PDLIM3: variants seen among roughly 807,000 people sequenced by gnomAD.
PDLIM3 encodes the protein PDZ and LIM domain 3.
Under a neutral mutation model 37.3 loss-of-function variants are expected in PDLIM3, and 36 were observed. The observed-to-expected ratio is 0.97, with a 90% CI of 0.74 to 1.28. PDLIM3 has a LOEUF of 1.28. PDLIM3 is among the 50% of genes most tolerant of loss of function. The probability of loss-of-function intolerance (pLI) is 0.00; values close to 1 mark genes in which losing one functional copy is unlikely to be tolerated. For synonymous variants in PDLIM3, 174 were observed against 182.4 expected, an observed-to-expected ratio of 0.95 and a Z score of 0.37; for missense variants, 454 against 485.0, an observed-to-expected ratio of 0.94 and a Z score of 0.60.
In PDLIM3 at chr4:185,525,151, C is replaced by T. The variant is rs377383830; in HGVS notation, c.114G>A (p.Ala38=). The T allele has an allele frequency of 2.4e-5, 39 of 1,614,130 alleles. No homozygotes were observed. The highest frequency in any genetic ancestry group is 1.4e-5 in the Non-Finnish European group (16 of 1,179,994). The change falls in exon 2 of 8, where the codon GCG becomes GCA. Residue 38 remains alanine (A), a synonymous_variant. Coordinates refer to ENST00000284767, the MANE Select transcript of PDLIM3 (RefSeq NM_014476.6). ...VITRITPGSK[A]AAANLCPGDV... ...CTCCAGGACACAGGTTGGCAGCTGC[C>T]GCCTTGCTTCCTGGTGTAATCTGGA...
chr4:185,505,925 G>A (rs1160816336), intron 6 of PDLIM3, among the ~76,000 whole-genome samples: 2 of 152,214 alleles, frequency 1.3e-5, no homozygotes, highest in Non-Finnish European at 2.9e-5. Flanking sequence ...TGGGCATGGA[G>A]AAGCCTAGGT....
At chr4:185,505,316 G>T (rs1311198245) in intron 6 of PDLIM3, among the ~76,000 whole-genome samples, 1 of 152,182 alleles carries the variant, frequency 6.6e-6, no homozygotes, top group Admixed American at 6.5e-5. Flanking sequence ...TTGGGCTATT[G>T]TGAATAAGAT....
At chr4:185,518,394 C>T (rs1334977346) in intron 3 of PDLIM3, among the ~76,000 whole-genome samples, 1 of 151,942 alleles carries the variant, frequency 6.6e-6, no homozygotes, top group African/African-American at 2.4e-5. Context: ...TCTGAACCAT[C>T]TCCAACAGAA....
intron 1 of PDLIM3, among the ~76,000 whole-genome samples, chr4:185,535,054 G>T (rs949575568): frequency 4.6e-5 from 7 of 152,246 alleles, no homozygotes; most frequent in Non-Finnish European, 7.3e-5. Context: ...GAGCCTGGCA[G>T]CCTCGCCTTC....
Position 185,535,246 on chromosome 4 carries a change from T to C in PDLIM3, c.93+96A>G, listed in dbSNP as rs2095751601. The C allele has an allele frequency of 2.6e-6, 3 of 1,172,532 alleles. No homozygotes were observed. In the South Asian group the frequency reaches 4.1e-5, roughly 16 times the overall value. 72.6% of individuals were successfully genotyped at this position (1,172,532 alleles called of 1,614,324 possible). On this transcript the variant is annotated intron_variant, in intron 1 of 7. Coordinates refer to ENST00000284767, the MANE Select transcript of PDLIM3 (RefSeq NM_014476.6). ...GCCCCGTCCGCCCGCCCTCGCGCGCTTTCTGGCCGCCCTCGGCCCCGGGGC... is the reference window on the plus strand; with the variant it reads ...GCCCCGTCCGCCCGCCCTCGCGCGCCTTCTGGCCGCCCTCGGCCCCGGGGC...
chr4:185,521,448 G>A (rs2095723438), intron 3 of PDLIM3, among the ~76,000 whole-genome samples: 1 of 57,714 alleles, frequency 1.7e-5, no homozygotes, highest in African/African-American at 3.0e-5. Flanking sequence ...CCAAGCTGGA[G>A]TGCAGTGGTG....
chr4:185,510,776 C>T (rs2095705236), intron 4 of PDLIM3, among the ~76,000 whole-genome samples: 1 of 152,228 alleles, frequency 6.6e-6, no homozygotes, highest in Non-Finnish European at 1.5e-5. Context: ...GTTCCTTTAT[C>T]AATCAGGCCC....
Position 185,508,318 on chromosome 4 carries a change from C to T in PDLIM3, c.643G>A (p.Gly215Arg). Residue 215 changes from glycine to arginine, a missense_variant, in exon 5 of 8, where the codon GGG (glycine) becomes AGG (arginine). Gly to Arg is a moderately radical substitution (Grantham distance 125). Transcript: ENST00000284767. Reference protein sequence around the residue: ...TLQGQVSTALGETPLMSEPTA... With the variant: ...TLQGQVSTALRETPLMSEPTA... ...TATTACCTCATCAAAGGTGTTTCCC[C>T]TAGGGCTGTTGAAACCTGACCCTGG... 4 of 1,614,164 alleles carry T rather than the reference C, an allele frequency of 2.5e-6. No homozygotes were observed. The highest frequency in any genetic ancestry group is 1.6e-4 in the Middle Eastern group (1 of 6,062).
intron 3 of PDLIM3, among the ~76,000 whole-genome samples, chr4:185,519,298 A>ATTG (rs2095719253): frequency 6.6e-6 from 1 of 152,062 alleles, no homozygotes; most frequent in Non-Finnish European, 1.5e-5. Context: ...TATTATTATT[A>ATTG]TTTGTGAGAC....
intron 4 of PDLIM3, among the ~76,000 whole-genome samples, chr4:185,510,686 C>T (rs1561193516): frequency 6.6e-6 from 1 of 152,180 alleles, no homozygotes; most frequent in Non-Finnish European, 1.5e-5. Flanking sequence ...TGAACTTGCA[C>T]AGTTCAAACC....
At chr4:185,511,917 A>G (rs1183103413) in intron 4 of PDLIM3, among the ~76,000 whole-genome samples, 1 of 152,110 alleles carries the variant, frequency 6.6e-6, no homozygotes, top group African/African-American at 2.4e-5. Context: ...TGCACCCGAA[A>G]AAAACTACAT....
chr4:185,531,600 G>T (rs547833767), intron 1 of PDLIM3, among the ~76,000 whole-genome samples: 1 of 152,108 alleles, frequency 6.6e-6, no homozygotes, highest in South Asian at 2.1e-4. Flanking sequence ...ACAAACTCTG[G>T]TTGGAGCCCC....
In PDLIM3 at chr4:185,504,585, A is replaced by G; in HGVS notation, c.795T>C (p.Asp265=). ...VLQGMVDDGS[D]DRPAGTRSVR... is the part of the protein sequence containing the mutation. Reference sequence around the variant, plus strand: ...CACTCCGCGTTCCAGCCGGACGGTCATCTGAAAAACAAAGCGTTTCCATTT... The same window carrying G: ...CACTCCGCGTTCCAGCCGGACGGTCGTCTGAAAAACAAAGCGTTTCCATTT... The change falls in exon 7 of 8, where the codon GAT becomes GAC. Residue 265 remains aspartate (D), a splice_region_variant and synonymous_variant. Transcript: ENST00000284767. This position sits in a 1 kb window ranked among gnomAD's most constrained non-coding sequence, Gnocchi z 4.7. 6.2e-7 allele frequency: 1 copy of G among 1,613,464 alleles called. No homozygotes were observed. Among genetic ancestry groups the G allele is most frequent in the Non-Finnish European group, 8.5e-7 (1 of 1,179,484 alleles).
rs543892230 is a variant in PDLIM3 at position 185,501,504 on chromosome 4, G to C, written c.*790C>G. On this transcript the variant is annotated 3_prime_UTR_variant, in exon 8 of 8. Transcript: ENST00000284767. ...TTGATCTGAAAGAGATATTTAAATT[G>C]AAAGAGTCTCTGTTGAAGCAAGTGA... The C allele has an allele frequency of 2.6e-5, 4 of 152,356 alleles. No individual in the cohort carries two copies. Among genetic ancestry groups the C allele is most frequent in the Admixed American group, 2.0e-4 (3 of 15,312 alleles). The allele number at this position is 152,356 out of a possible 1,614,324, so 9.4% of individuals were successfully genotyped here.
chr4:185,528,391 G>A (rs1393536148), intron 1 of PDLIM3, among the ~76,000 whole-genome samples: 1 of 152,056 alleles, frequency 6.6e-6, no homozygotes, highest in Non-Finnish European at 1.5e-5. Context: ...AATAACTATT[G>A]GATATCTAAG....
At chr4:185,528,681 C>T (rs115568304) in intron 1 of PDLIM3, among the ~76,000 whole-genome samples, 4,213 of 152,282 alleles carry the variant, frequency 0.028, 202 homozygotes, top group African/African-American at 0.097. Context: ...TAGTGATGGC[C>T]AGATCCCACT....
chr4:185,519,379 G>T (rs540128170), intron 3 of PDLIM3, among the ~76,000 whole-genome samples: 18 of 152,254 alleles, frequency 1.2e-4, no homozygotes, highest in African/African-American at 4.1e-4. Context: ...TCCACCTCTT[G>T]GGTTCAAGTG....
intron 5 of PDLIM3, 52 bp from the exon 6 acceptor site, chr4:185,506,704 C>T (rs1050423386): frequency 2.2e-5 from 34 of 1,580,176 alleles, no homozygotes; most frequent in African/African-American, 6.7e-5. Flanking sequence ...AGGCACCAGA[C>T]GTGCAAGAGG....
chr4:185,503,627 C>T (rs925648015), intron 7 of PDLIM3, among the ~76,000 whole-genome samples: 2 of 152,186 alleles, frequency 1.3e-5, no homozygotes, highest in Non-Finnish European at 2.9e-5. Flanking sequence ...TTGACTTGAT[C>T]CTGCACTAGC....
Sources: allele counts gnomAD v4.1 joint callset (sites outside exome capture counted in the v4.1 genomes callset), GRCh38; gene constraint gnomAD v4.1.1; non-coding constraint Gnocchi (gnomAD v3.1); transcripts MANE v1.5; gene names NCBI Gene and HGNC (gene_info 2026-07-23, HGNC 2026-07-21).